Variants in DENND1A observed in about 807,000 individuals in gnomAD.
DENND1A encodes DENN domain containing 1A.
In DENND1A, 51 loss-of-function variants were observed where a neutral mutation model predicts 113.7. The ratio of observed to expected loss-of-function variants is 0.45; its 90% CI spans 0.36 to 0.57. The LOEUF is 0.57. Ranked by LOEUF, DENND1A falls within the 20% of genes least tolerant of loss-of-function variation. The pLI is 0.00. For synonymous variants in DENND1A, 565 were observed against 570.8 expected, an observed-to-expected ratio of 0.99 and a Z score of 0.14; for missense variants, 1,258 against 1,395.9, an observed-to-expected ratio of 0.90 and a Z score of 1.57.
Position 123,671,352 on chromosome 9 carries a change from A to G in DENND1A, c.392T>C (p.Leu131Pro). 1.9e-6 allele frequency: 3 copies of G among 1,613,954 alleles called. No homozygotes were observed. The highest frequency in any genetic ancestry group is 2.5e-6 in the Non-Finnish European group (3 of 1,179,946). ...TKRQENQWNE[L>P]LETLHKLPIP... ...GGGAAGTTTGTGCAGAGTTTCAAGA[A>G]GCTCATTCCACTGATTTTCCTGAAA... The change falls in exon 7 of 24, where the codon CTT (leucine) becomes CCT (proline). Residue 131 changes from leucine (L) to proline (P), a missense_variant. This residue lies in a region of DENND1A where 99 missense variants were observed against 164.2 expected (regional missense o/e 0.60). Coordinates refer to ENST00000394215, the MANE Select transcript of DENND1A (RefSeq NM_001352964.2).
chr9:123,459,901 G>A (rs1167289665), intron 13 of DENND1A, among the ~76,000 whole-genome samples: 1 of 152,172 alleles, frequency 6.6e-6, no homozygotes, highest in Non-Finnish European at 1.5e-5. Flanking sequence ...AAAAATATTA[G>A]GGTAAGGAGA....
At chr9:123,866,945 T>A (rs1169882243) in intron 2 of DENND1A, among the ~76,000 whole-genome samples, 2 of 152,206 alleles carry the variant, frequency 1.3e-5, no homozygotes, top group Non-Finnish European at 2.9e-5. Context: ...GACATTGTTA[T>A]AATCTAGACA....
chr9:123,717,074 C>T (rs750997428), intron 5 of DENND1A, among the ~76,000 whole-genome samples: 13 of 152,120 alleles, frequency 8.5e-5, no homozygotes, highest in Admixed American at 1.3e-4. Context: ...AGTCACACCG[C>T]GCCTAGGAAA....
chr9:123,754,376 T>C (rs1242425815), intron 5 of DENND1A, among the ~76,000 whole-genome samples: 1 of 152,100 alleles, frequency 6.6e-6, no homozygotes, highest in Admixed American at 6.5e-5. Context: ...AGAGGGAAAG[T>C]GTCAGTGGGT....
intron 1 of DENND1A, among the ~76,000 whole-genome samples, chr9:123,886,652 T>C (rs1303700813): frequency 6.6e-6 from 1 of 152,214 alleles, no homozygotes; most frequent in Non-Finnish European, 1.5e-5. Flanking sequence ...AAAAAGGTAG[T>C]GTTAAAATTT....
chr9:123,705,156 T>C (rs1189617204), intron 5 of DENND1A, among the ~76,000 whole-genome samples: 1 of 151,646 alleles, frequency 6.6e-6, no homozygotes, highest in Non-Finnish European at 1.5e-5. Flanking sequence ...GAGTAACAAT[T>C]AGACATACTC....
intron 11 of DENND1A, among the ~76,000 whole-genome samples, chr9:123,585,022 A>T (rs959922516): frequency 2.6e-5 from 4 of 152,218 alleles, no homozygotes; most frequent in Admixed American, 6.5e-5. Flanking sequence ...ATGGTACCTA[A>T]GTAAATATTT....
In DENND1A at chr9:123,382,288, T is replaced by C; in HGVS notation, c.2357A>G (p.Gln786Arg). The change falls in exon 24 of 24, where the codon CAG becomes CGG. Residue 786 changes from glutamine to arginine, a missense_variant. Gln to Arg is a conservative substitution (Grantham distance 43). This residue lies in a region of DENND1A where 1,159 missense variants were observed against 1,231.7 expected (regional missense o/e 0.94). Coordinates refer to ENST00000394215, the MANE Select transcript of DENND1A (RefSeq NM_001352964.2). Reference sequence around the variant, plus strand: ...GTCACCAAGTGCGGCGCCGGCAGCCTGGAGCTTGGCCGGGCGGGGAATGGG... The same window carrying C: ...GTCACCAAGTGCGGCGCCGGCAGCCCGGAGCTTGGCCGGGCGGGGAATGGG... ...PPPIPRPAKL[Q>R]AAGAALGDVS... is the part of the protein sequence containing the mutation. 2.5e-6 allele frequency: 4 copies of C among 1,611,018 alleles called. No individual in the cohort carries two copies. Among genetic ancestry groups the C allele is most frequent in the Admixed American group, 1.7e-5 (1 of 59,890 alleles).
At chr9:123,596,446 C>T (rs1027001942) in intron 11 of DENND1A, among the ~76,000 whole-genome samples, 1 of 152,078 alleles carries the variant, frequency 6.6e-6, no homozygotes, top group Non-Finnish European at 1.5e-5. Context: ...TTAAAATATC[C>T]TCAAAGCAAC....
chr9:123,923,560 T>C (rs965915454), intron 1 of DENND1A, among the ~76,000 whole-genome samples: 1 of 152,220 alleles, frequency 6.6e-6, no homozygotes, highest in African/African-American at 2.4e-5. Flanking sequence ...AGCAAACTTT[T>C]TGTGTATTTT....
intron 11 of DENND1A, among the ~76,000 whole-genome samples, chr9:123,593,124 G>C (rs372744462): frequency 2.7e-4 from 41 of 152,290 alleles, no homozygotes; most frequent in African/African-American, 7.0e-4. Context: ...TCCAGGGAAG[G>C]GCAAAGCTGC....
intron 8 of DENND1A, among the ~76,000 whole-genome samples, chr9:123,659,273 A>T (rs1169264278): frequency 1.3e-5 from 2 of 152,350 alleles, no homozygotes; most frequent in East Asian, 3.9e-4. Flanking sequence ...GAGATAATCA[A>T]TAAATATTTA....
At chr9:123,827,355 T>C (rs554889339) in intron 2 of DENND1A, among the ~76,000 whole-genome samples, 1 of 149,922 alleles carries the variant, frequency 6.7e-6, no homozygotes, top group Non-Finnish European at 1.5e-5. Flanking sequence ...GAAAAAGATT[T>C]TGTTGTGACC....
intron 3 of DENND1A, among the ~76,000 whole-genome samples, chr9:123,783,805 C>G (rs974563132): frequency 6.6e-6 from 1 of 152,172 alleles, no homozygotes; most frequent in African/African-American, 2.4e-5. Flanking sequence ...ACTGAGCCCC[C>G]AATCTGTCCT....
intron 5 of DENND1A, among the ~76,000 whole-genome samples, chr9:123,738,441 T>TTGTG (rs760641686): frequency 0.013 from 1,571 of 123,426 alleles, 22 homozygotes; most frequent in African/African-American, 0.029. Context: ...TGTCAACAGC[T>TTGTG]TCTGTGTGTG....
chr9:123,645,239 C>T (rs955929115), intron 9 of DENND1A, among the ~76,000 whole-genome samples: 7 of 152,146 alleles, frequency 4.6e-5, no homozygotes, highest in Non-Finnish European at 1.0e-4. Flanking sequence ...GAAGACAGCA[C>T]TCGAGTGCTA....
chr9:123,700,822 A>G (rs530457374), intron 5 of DENND1A, among the ~76,000 whole-genome samples: 5 of 152,354 alleles, frequency 3.3e-5, no homozygotes, highest in African/African-American at 1.2e-4. Flanking sequence ...GACAACATGG[A>G]ATCCTTGAAT....
chr9:123,715,735 G>T (rs999544869), intron 5 of DENND1A, among the ~76,000 whole-genome samples: 2 of 152,080 alleles, frequency 1.3e-5, no homozygotes, highest in South Asian at 2.1e-4. Flanking sequence ...GCCCAGCATG[G>T]AGTGTGGTGG....
intron 18 of DENND1A, among the ~76,000 whole-genome samples, chr9:123,444,487 C>T (rs773064726): frequency 6.6e-6 from 1 of 152,128 alleles, no homozygotes; most frequent in Non-Finnish European, 1.5e-5. Flanking sequence ...AACCCCGTCT[C>T]TACCAAAAAT....
Sources: gnomAD v4.1 joint callset for allele counts (sites outside exome capture counted in the v4.1 genomes callset) on GRCh38, gnomAD v4.1.1 for gene constraint, gnomAD v4.1.1 regional missense constraint, MANE v1.5 for transcripts, NCBI Gene and HGNC (gene_info 2026-07-23, HGNC 2026-07-21) for gene names.